The following AUTS2 variants were observed in gnomAD, a reference collection of about 807,000 sequenced individuals.
AUTS2 encodes activator of transcription and developmental regulator AUTS2, also known as autism susceptibility gene 2 protein.
Under a neutral mutation model 112.4 loss-of-function variants are expected in AUTS2, and 17 were observed. The observed-to-expected ratio is 0.15, with a 90% CI of 0.10 to 0.23. The LOEUF (loss-of-function observed/expected upper bound fraction) is 0.23, where lower values mean the gene tolerates loss of function less well. Among genes scored for constraint, AUTS2 ranks in the 10% least tolerant of loss-of-function variants. AUTS2 has a pLI of 1.00. For synonymous variants in AUTS2, 751 were observed against 702.7 expected (o/e 1.07, Z -1.09); for missense variants, 1,510 against 1,701.6 (o/e 0.89, Z 1.98).
At chr7:70,030,564 T>C (rs760157100) in intron 2 of AUTS2, among the ~76,000 whole-genome samples, 1 of 152,078 alleles carries the variant, frequency 6.6e-6, no homozygotes, top group Non-Finnish European at 1.5e-5. Flanking sequence ...GAATTCACCA[T>C]ATACCCTTCT....
intron 4 of AUTS2, among the ~76,000 whole-genome samples, chr7:70,190,525 A>G (rs1809825669): frequency 6.6e-6 from 1 of 152,124 alleles, no homozygotes; most frequent in African/African-American, 2.4e-5. Flanking sequence ...GGGGATGCTC[A>G]CCTCACAGGC....
intron 1 of AUTS2, among the ~76,000 whole-genome samples, chr7:69,836,989 G>A (rs749077514): frequency 2.8e-4 from 43 of 152,114 alleles, no homozygotes; most frequent in East Asian, 1.9e-4. Context: ...GTAACTGCTC[G>A]TTAGAGGGGA....
intron 5 of AUTS2, among the ~76,000 whole-genome samples, chr7:70,665,611 A>G (rs1198577560): frequency 2.6e-5 from 4 of 152,114 alleles, no homozygotes; most frequent in African/African-American, 9.7e-5. Flanking sequence ...AGAAACACAA[A>G]TCTTTAGTGA....
chr7:70,455,914 G>A (rs1796720973), intron 5 of AUTS2, among the ~76,000 whole-genome samples: 1 of 152,142 alleles, frequency 6.6e-6, no homozygotes, highest in African/African-American at 2.4e-5. Flanking sequence ...ATGAGCTTTG[G>A]GGTCAGGGAA....
chr7:70,456,049 A>T (rs1332508019), intron 5 of AUTS2, among the ~76,000 whole-genome samples: 1 of 152,258 alleles, frequency 6.6e-6, no homozygotes, highest in East Asian at 1.9e-4. Flanking sequence ...GCCTCACAGG[A>T]TTGCTGTGAG....
intron 1 of AUTS2, among the ~76,000 whole-genome samples, chr7:69,721,622 C>G (rs1798947849): frequency 6.6e-6 from 1 of 152,160 alleles, no homozygotes; most frequent in African/African-American, 2.4e-5. Context: ...AGGACTCAGT[C>G]CTTGTCCTGT....
chr7:69,852,802 T>TG (rs1410582893), intron 1 of AUTS2, among the ~76,000 whole-genome samples: 3 of 152,198 alleles, frequency 2.0e-5, no homozygotes, highest in Non-Finnish European at 4.4e-5. Flanking sequence ...CCGTTAGTAC[T>TG]GCTTGTGTCC....
chr7:70,665,818 G>A (rs1024330164), intron 5 of AUTS2, among the ~76,000 whole-genome samples: 5 of 152,140 alleles, frequency 3.3e-5, no homozygotes, highest in Non-Finnish European at 5.9e-5. Flanking sequence ...GGCCAACTGT[G>A]GGACTTGAGT....
In AUTS2 at chr7:70,456,102, C is replaced by G. The variant is rs572003042; in HGVS notation, c.690+20321C>G. Among the ~76,000 whole-genome samples the G allele has an allele frequency of 1.2e-4, 19 of 152,276 alleles. No homozygotes were observed. In the South Asian group the frequency reaches 3.7e-3, roughly 30 times the overall value. Reference sequence around the variant, plus strand: ...ATGCACAGGTTATATGTATGCACATCATGGTGCTTTAAAAACCCTCAACTT... The same window carrying G: ...ATGCACAGGTTATATGTATGCACATGATGGTGCTTTAAAAACCCTCAACTT... On this transcript the variant is annotated intron_variant, in intron 5 of 18. Coordinates refer to ENST00000342771, the MANE Select transcript of AUTS2 (RefSeq NM_015570.4).
intron 1 of AUTS2, among the ~76,000 whole-genome samples, chr7:69,863,998 G>A (rs1283763686): frequency 6.6e-6 from 1 of 152,180 alleles, no homozygotes; most frequent in Non-Finnish European, 1.5e-5. Flanking sequence ...TTGGGCTATG[G>A]TTCTGATACC....
At chr7:69,674,207 T>C (rs1389757509) in intron 1 of AUTS2, among the ~76,000 whole-genome samples, 1 of 152,220 alleles carries the variant, frequency 6.6e-6, no homozygotes, top group Non-Finnish European at 1.5e-5. Context: ...TGAAACTTCA[T>C]TATGTAACAG....
At chr7:70,153,584 T>G (rs1011792679) in intron 4 of AUTS2, among the ~76,000 whole-genome samples, 3 of 152,214 alleles carry the variant, frequency 2.0e-5, no homozygotes, top group Admixed American at 2.0e-4. Flanking sequence ...TATATTTCAT[T>G]TATACTTCAG....
intron 6 of AUTS2, among the ~76,000 whole-genome samples, chr7:70,709,042 C>T (rs1364499780): frequency 2.6e-5 from 4 of 151,570 alleles, no homozygotes; most frequent in Admixed American, 1.3e-4. Context: ...CTCAGCCTCC[C>T]GAGTAGCTGG....
chr7:69,881,917 C>T (rs893449229), intron 1 of AUTS2, among the ~76,000 whole-genome samples: 8 of 151,018 alleles, frequency 5.3e-5, no homozygotes, highest in Non-Finnish European at 1.0e-4. Flanking sequence ...TTTGGGAGGC[C>T]GAGGTGGGTG....
chr7:70,287,424 T>G (rs1354920240), intron 4 of AUTS2, among the ~76,000 whole-genome samples: 1 of 152,180 alleles, frequency 6.6e-6, no homozygotes, highest in Non-Finnish European at 1.5e-5. Flanking sequence ...GTGTTTCCTG[T>G]CAGAAATGCC....
At chr7:70,333,655 C>T (rs572703351) in intron 4 of AUTS2, among the ~76,000 whole-genome samples, 14 of 152,174 alleles carry the variant, frequency 9.2e-5, no homozygotes, top group Admixed American at 5.2e-4. Context: ...ATGTCCTCTA[C>T]GGAGACATGG....
chr7:70,144,590 A>G (rs1807035421), intron 4 of AUTS2, among the ~76,000 whole-genome samples: 1 of 152,128 alleles, frequency 6.6e-6, no homozygotes, highest in Non-Finnish European at 1.5e-5. Context: ...TAATTTGATA[A>G]TTACAGTAGA....
At chr7:69,982,047 C>T (rs1373219053) in intron 2 of AUTS2, among the ~76,000 whole-genome samples, 1 of 152,090 alleles carries the variant, frequency 6.6e-6, no homozygotes, top group Non-Finnish European at 1.5e-5. Flanking sequence ...CTCGTAGGCA[C>T]CAACACAGAA....
chr7:69,873,106 G>A (rs560693770), intron 1 of AUTS2, among the ~76,000 whole-genome samples: 2 of 152,000 alleles, frequency 1.3e-5, no homozygotes, highest in East Asian at 3.9e-4. Flanking sequence ...GCCTCCCAGA[G>A]ATATAGTCTA....
Sources: allele counts gnomAD v4.1 joint callset (sites outside exome capture counted in the v4.1 genomes callset), GRCh38; gene constraint gnomAD v4.1.1; transcripts MANE v1.5; gene names NCBI Gene and HGNC (gene_info 2026-07-23, HGNC 2026-07-21).